Variants in ALK observed in about 807,000 individuals in gnomAD.
ALK encodes ALK receptor tyrosine kinase, also known as ALK tyrosine kinase receptor.
ALK carries 74 observed loss-of-function variants against 163.1 expected under a neutral mutation model. That is an observed-to-expected ratio of 0.45 (90% CI 0.38 to 0.55). ALK has a LOEUF of 0.55. Ranked by LOEUF, ALK falls within the 20% of genes least tolerant of loss-of-function variation. ALK has a pLI of 0.00. For synonymous variants in ALK, 960 were observed against 843.2 expected (o/e 1.14, Z -2.40); for missense variants, 2,063 against 2,105.3 (o/e 0.98, Z 0.39).
At chr2:29,525,900 G>C (rs557364512) in intron 4 of ALK, among the ~76,000 whole-genome samples, 2 of 151,824 alleles carry the variant, frequency 1.3e-5, no homozygotes, top group Non-Finnish European at 2.9e-5. Flanking sequence ...GTTAATCGCT[G>C]AAGGTCCAGT....
At chr2:29,298,284 T>C (rs908975372) in intron 8 of ALK, among the ~76,000 whole-genome samples, 4 of 152,224 alleles carry the variant, frequency 2.6e-5, no homozygotes, top group Non-Finnish European at 5.9e-5. Context: ...GTAGCAAATA[T>C]GCATCTCTAC....
chr2:29,653,404 T>G (rs1677089046), intron 3 of ALK, among the ~76,000 whole-genome samples: 1 of 152,172 alleles, frequency 6.6e-6, no homozygotes, highest in African/African-American at 2.4e-5. Context: ...TGTCTTTTAA[T>G]TTGACCAGAC....
intron 1 of ALK, among the ~76,000 whole-genome samples, chr2:29,719,118 A>G (rs1360446903): frequency 1.3e-5 from 2 of 152,212 alleles, no homozygotes; most frequent in African/African-American, 4.8e-5. Context: ...CCCTTAGGCA[A>G]TGCTTATTAA....
intron 4 of ALK, among the ~76,000 whole-genome samples, chr2:29,389,790 A>T (rs1347069394): frequency 6.6e-6 from 1 of 152,160 alleles, no homozygotes; most frequent in African/African-American, 2.4e-5. Context: ...AAATGCAAAG[A>T]CTGGGGAACT....
intron 12 of ALK, among the ~76,000 whole-genome samples, chr2:29,247,540 G>A (rs1313232255): frequency 2.0e-5 from 3 of 152,198 alleles, no homozygotes; most frequent in African/African-American, 4.8e-5. Flanking sequence ...TGCCTGCCCC[G>A]CACCCCCTTC....
rs62130642 is a variant in ALK at position 29,316,195 on chromosome 2, G to A, written c.1647+2109C>T. 8.1e-3 allele frequency among the ~76,000 whole-genome samples: 1,239 copies of A among 152,188 alleles called. 15 individuals are homozygous for A. The highest frequency in any genetic ancestry group is 0.014 in the Admixed American group (213 of 15,294). ...TCTAGAAATGCATATTTCTATTTTG[G>A]TTATTTATTTTCCTGATAAAAACAT... is the stretch of plus-strand genomic sequence containing the variant. On this transcript the variant is annotated intron_variant, in intron 8 of 28. Coordinates refer to ENST00000389048, the MANE Select transcript of ALK (RefSeq NM_004304.5).
chr2:29,509,596 CCT>C (rs779040601), intron 4 of ALK, among the ~76,000 whole-genome samples: 1 of 152,184 alleles, frequency 6.6e-6, no homozygotes, highest in African/African-American at 2.4e-5. Context: ...ATCCTTACCT[CCT>C]CTGCCAACTG....
At chr2:29,200,592 C>G (rs375435934) in intron 26 of ALK, among the ~76,000 whole-genome samples, 5 of 151,488 alleles carry the variant, frequency 3.3e-5, no homozygotes, top group African/African-American at 7.3e-5. Context: ...TATCTAGAAA[C>G]CCTACAGATG....
chr2:29,400,910 G>A (rs1669428381), intron 4 of ALK, among the ~76,000 whole-genome samples: 1 of 152,088 alleles, frequency 6.6e-6, no homozygotes, highest in African/African-American at 2.4e-5. Flanking sequence ...GGGAGGCAGA[G>A]GTTGCGGTGA....
chr2:29,487,831 C>T (rs1376602851), intron 4 of ALK, among the ~76,000 whole-genome samples: 2 of 152,126 alleles, frequency 1.3e-5, no homozygotes, highest in Non-Finnish European at 2.9e-5. Context: ...GGCACCAGAT[C>T]GAGAACTCAC....
intron 1 of ALK, among the ~76,000 whole-genome samples, chr2:29,849,942 C>T (rs1229623853): frequency 6.6e-6 from 1 of 152,100 alleles, no homozygotes; most frequent in African/African-American, 2.4e-5. Flanking sequence ...AACACACATA[C>T]AACAGAGTAC....
intron 26 of ALK, among the ~76,000 whole-genome samples, chr2:29,200,752 CGT>C: frequency 1.5e-5 from 1 of 67,320 alleles, no homozygotes; most frequent in Non-Finnish European, 3.0e-5. Flanking sequence ...TATATATATA[CGT>C]ATATATGTAT....
chr2:29,478,127 A>C (rs1338531052), intron 4 of ALK, among the ~76,000 whole-genome samples: 1 of 152,184 alleles, frequency 6.6e-6, no homozygotes, highest in Non-Finnish European at 1.5e-5. Flanking sequence ...GTGGCTCCAG[A>C]CCCAACAGAT....
At position 29,898,204 on chromosome 2, in the gene ALK, G is replaced by A. The variant is rs13430835; in HGVS notation, c.667+21789C>T. Among the ~76,000 whole-genome samples the A allele has an allele frequency of 7.5e-3, 1,141 of 152,324 alleles. 12 individuals carry two copies. The highest frequency in any genetic ancestry group is 0.025 in the African/African-American group (1,054 of 41,578). Reference sequence around the variant, plus strand: ...AGAGCTGTCCATAGCAGGCCTGTCTGATTTTTTCGGTGAACCCATTCTGAA... The same window carrying A: ...AGAGCTGTCCATAGCAGGCCTGTCTAATTTTTTCGGTGAACCCATTCTGAA... On this transcript the variant is annotated intron_variant, in intron 1 of 28. Transcript: ENST00000389048.
At chr2:29,255,313 TG>T (rs1664923241) in intron 11 of ALK, among the ~76,000 whole-genome samples, 1 of 152,220 alleles carries the variant, frequency 6.6e-6, no homozygotes, top group South Asian at 2.1e-4. Flanking sequence ...CATCAGAGAA[TG>T]TCACAGCACA....
At chr2:29,464,622 AG>A in intron 4 of ALK, among the ~76,000 whole-genome samples, 1 of 152,188 alleles carries the variant, frequency 6.6e-6, no homozygotes, top group East Asian at 1.9e-4. Flanking sequence ...GACTAAAAGC[AG>A]ATTAGAGAGT....
At chr2:29,665,576 C>T (rs1010930151) in intron 3 of ALK, among the ~76,000 whole-genome samples, 31 of 151,932 alleles carry the variant, frequency 2.0e-4, no homozygotes, top group African/African-American at 7.5e-4. Flanking sequence ...GCTGTGAGTT[C>T]TTGGTGGGCT....
intron 4 of ALK, among the ~76,000 whole-genome samples, chr2:29,519,566 T>C (rs1672758626): frequency 6.6e-6 from 1 of 152,218 alleles, no homozygotes; most frequent in Non-Finnish European, 1.5e-5. Context: ...CCACACACAA[T>C]GTACCTGCTG....
chr2:29,653,931 T>C (rs202009061), intron 3 of ALK, among the ~76,000 whole-genome samples: 1 of 151,978 alleles, frequency 6.6e-6, no homozygotes, highest in East Asian at 1.9e-4. Context: ...GCAGGGCACA[T>C]GCCTGTAATC....
Sources: gnomAD v4.1 joint callset for allele counts (sites outside exome capture counted in the v4.1 genomes callset) on GRCh38, gnomAD v4.1.1 for gene constraint, MANE v1.5 for transcripts, NCBI Gene and HGNC (gene_info 2026-07-23, HGNC 2026-07-21) for gene names.